DCDC1: variants seen among roughly 807,000 people sequenced by gnomAD.
DCDC1 encodes the protein doublecortin domain-containing protein 1.
In DCDC1, 200 loss-of-function variants were observed where a neutral mutation model predicts 178.3. The ratio of observed to expected loss-of-function variants is 1.12; its 90% CI spans 1.00 to 1.26. The LOEUF (loss-of-function observed/expected upper bound fraction) is 1.26, where lower values mean the gene tolerates loss of function less well. Ranked by LOEUF, DCDC1 falls within the 50% of genes most tolerant of loss-of-function variation. The pLI is 0.00. For synonymous variants in DCDC1, 690 were observed against 604.8 expected, an observed-to-expected ratio of 1.14 and a Z score of -2.07; for missense variants, 1,983 against 1,749.2, an observed-to-expected ratio of 1.13 and a Z score of -2.38.
intron 9 of DCDC1, among the ~76,000 whole-genome samples, chr11:31,176,453 T>C (rs1434288888): frequency 1.3e-5 from 2 of 152,116 alleles, no homozygotes; most frequent in Non-Finnish European, 1.5e-5. Flanking sequence ...TGGGAAAAGA[T>C]ATGGAGAAAA....
chr11:31,357,315 A>C (rs894383927), intron 1 of DCDC1, among the ~76,000 whole-genome samples: 52 of 149,766 alleles, frequency 3.5e-4, no homozygotes, highest in South Asian at 2.6e-3. Context: ...TCCAGCATAT[A>C]AACAGAACCA....
chr11:31,081,331 C>T (rs759716913), intron 17 of DCDC1, among the ~76,000 whole-genome samples: 4 of 152,004 alleles, frequency 2.6e-5, no homozygotes, highest in African/African-American at 4.8e-5. Flanking sequence ...GAAATAAGGC[C>T]GGGCATGGTG....
At chr11:31,081,466 C>T (rs534477677) in intron 17 of DCDC1, among the ~76,000 whole-genome samples, 5 of 151,972 alleles carry the variant, frequency 3.3e-5, no homozygotes, top group East Asian at 3.9e-4. Context: ...AAAAATTAGC[C>T]GGGTGTGGTG....
chr11:31,315,545 C>A (rs1949043263), intron 3 of DCDC1, among the ~76,000 whole-genome samples: 1 of 151,382 alleles, frequency 6.6e-6, no homozygotes, highest in Admixed American at 6.6e-5. Flanking sequence ...ACCGTGTTAG[C>A]CAGGATGGTC....
At chr11:31,066,534 T>C (rs1245917956) in intron 18 of DCDC1, among the ~76,000 whole-genome samples, 1 of 152,196 alleles carries the variant, frequency 6.6e-6, no homozygotes, top group African/African-American at 2.4e-5. Context: ...ACTAAGGTAC[T>C]TACATTGTTC....
chr11:30,909,296 C>T (rs1254123904), intron 28 of DCDC1, among the ~76,000 whole-genome samples, 180 bp from the exon 29 acceptor site: 1 of 152,074 alleles, frequency 6.6e-6, no homozygotes, highest in Non-Finnish European at 1.5e-5. Context: ...TTTATAAATA[C>T]ACATTATTTG....
At chr11:31,301,469 G>A (rs1023746392) in intron 6 of DCDC1, among the ~76,000 whole-genome samples, 5 of 152,206 alleles carry the variant, frequency 3.3e-5, no homozygotes, top group Admixed American at 1.3e-4. Flanking sequence ...AAGGTATGAT[G>A]TGATGTGAGT....
intron 6 of DCDC1, among the ~76,000 whole-genome samples, chr11:31,297,363 T>TC (rs1947768619): frequency 6.6e-6 from 1 of 151,696 alleles, no homozygotes. Context: ...AGCCATTTTT[T>TC]TTTTAATTTT....
chr11:30,903,334 A>G (rs543792715), intron 32 of DCDC1, 148 bp downstream of exon 32: 1 of 750,006 alleles, frequency 1.3e-6, no homozygotes, highest in South Asian at 4.3e-5. Context: ...AAACAACATG[A>G]CAATTTCATT....
chr11:31,065,204 C>A, intron 18 of DCDC1, 51 bp from the exon 19 acceptor site: 1 of 626,618 alleles, frequency 1.6e-6, no homozygotes, highest in Admixed American at 2.5e-5. Flanking sequence ...AAACAATAGC[C>A]AAAAATCCAT....
chr11:31,324,116 T>A (rs1349952827), intron 3 of DCDC1, among the ~76,000 whole-genome samples: 1 of 152,080 alleles, frequency 6.6e-6, no homozygotes, highest in African/African-American at 2.4e-5. Flanking sequence ...TACTTGCAAC[T>A]CAATGATTGA....
At chr11:31,024,614 G>A (rs116171542) in intron 20 of DCDC1, among the ~76,000 whole-genome samples, 2,667 of 151,796 alleles carry the variant, frequency 0.018, 84 homozygotes, top group African/African-American at 0.061. Flanking sequence ...AATTATCTCC[G>A]TAGTCCTGGC....
intron 9 of DCDC1, among the ~76,000 whole-genome samples, chr11:31,138,590 G>C (rs1362181619): frequency 3.3e-5 from 5 of 152,176 alleles, no homozygotes; most frequent in Admixed American, 3.3e-4. Context: ...TTTAGCAACG[G>C]ACTTGCCATA....
chr11:31,218,201 GA>G (rs1163476972), intron 9 of DCDC1, among the ~76,000 whole-genome samples: 4 of 151,414 alleles, frequency 2.6e-5, no homozygotes, highest in Middle Eastern at 3.4e-3. Flanking sequence ...TGAAAAAGAA[GA>G]GAAAATATTT....
At chr11:31,356,883 C>A (rs1951404884) in intron 1 of DCDC1, among the ~76,000 whole-genome samples, 7 of 152,016 alleles carry the variant, frequency 4.6e-5, no homozygotes, top group Admixed American at 4.6e-4. Flanking sequence ...CAAGACTAAA[C>A]CAGGAAGAAG....
intron 7 of DCDC1, among the ~76,000 whole-genome samples, chr11:31,267,136 A>AT (rs1467969504): frequency 6.6e-6 from 1 of 151,862 alleles, no homozygotes; most frequent in African/African-American, 2.4e-5. Flanking sequence ...TATTGCTGCT[A>AT]TTTTTCTCAC....
chr11:31,189,739 C>G (rs1969924962), intron 9 of DCDC1, among the ~76,000 whole-genome samples: 2 of 152,162 alleles, frequency 1.3e-5, no homozygotes, highest in South Asian at 4.1e-4. Flanking sequence ...ATCCCCTTCT[C>G]TGACTCTGAA....
At chr11:31,236,751 C>G (rs960182744) in intron 9 of DCDC1, among the ~76,000 whole-genome samples, 1 of 151,826 alleles carries the variant, frequency 6.6e-6, no homozygotes, top group East Asian at 1.9e-4. Context: ...AAATGACTAT[C>G]ACACTATTTT....
chr11:31,084,293 T>C (rs1046672658), intron 17 of DCDC1, among the ~76,000 whole-genome samples: 6 of 152,112 alleles, frequency 3.9e-5, no homozygotes, highest in African/African-American at 9.7e-5. Context: ...TAAAATTATA[T>C]ACTACTTAGA....
Sources: allele counts gnomAD v4.1 joint callset (sites outside exome capture counted in the v4.1 genomes callset), GRCh38; gene constraint gnomAD v4.1.1; transcripts MANE v1.5; gene names NCBI Gene and HGNC (gene_info 2026-07-23, HGNC 2026-07-21).